The following TBC1D30 variants were observed in gnomAD, a reference collection of about 807,000 sequenced individuals.
TBC1D30 encodes the protein TBC1 domain family, member 30.
Under a neutral mutation model 63.2 loss-of-function variants are expected in TBC1D30, and 31 were observed. That is an observed-to-expected ratio of 0.49 (90% CI 0.37 to 0.66). TBC1D30 has a LOEUF of 0.66. TBC1D30 is among the 30% of genes least tolerant of loss of function. The pLI, the probability that TBC1D30 is intolerant of heterozygous loss-of-function variation, is 0.00. For missense variants in TBC1D30, 810 were observed against 953.6 expected (o/e 0.85, Z 1.98); for synonymous variants, 307 against 361.5 (o/e 0.85, Z 1.71).
chr12:64,763,959 G>A (rs978731864), intron 1 of TBC1D30, among the ~76,000 whole-genome samples: 3 of 152,276 alleles, frequency 2.0e-5, no homozygotes, highest in Middle Eastern at 3.4e-3. Context: ...AGAGCATGCA[G>A]CCCTTTTTCC....
chr12:64,762,396 A>G (rs2136265891), intron 1 of TBC1D30, among the ~76,000 whole-genome samples: 1 of 152,336 alleles, frequency 6.6e-6, no homozygotes, highest in East Asian at 1.9e-4. Flanking sequence ...GGCATGAAGA[A>G]CAGATTGGAA....
chr12:64,797,077 T>A (rs1380574796), intron 2 of TBC1D30, among the ~76,000 whole-genome samples: 5 of 151,174 alleles, frequency 3.3e-5, no homozygotes, highest in Non-Finnish European at 7.4e-5. Flanking sequence ...TTCTTAAGCT[T>A]TGCTGCATAT....
At chr12:64,866,688 C>A in intron 9 of TBC1D30, 76 bp from the exon 10 acceptor site, 1 of 1,359,116 alleles carries the variant, frequency 7.4e-7, no homozygotes, top group Non-Finnish European at 9.9e-7. Flanking sequence ...GGCATTTAAA[C>A]CATGTAACTG....
At chr12:64,805,963 C>T (rs1872844098) in intron 2 of TBC1D30, among the ~76,000 whole-genome samples, 1 of 152,170 alleles carries the variant, frequency 6.6e-6, no homozygotes, top group Non-Finnish European at 1.5e-5. Context: ...ATTCTCTCTG[C>T]CATCCCAGTC....
At chr12:64,839,553 A>C (rs999985149) in intron 7 of TBC1D30, among the ~76,000 whole-genome samples, 2 of 152,216 alleles carry the variant, frequency 1.3e-5, no homozygotes, top group Admixed American at 6.5e-5. Context: ...TCTCTTCTGG[A>C]GCTATAAATG....
chr12:64,774,402 G>A (rs2136281209), intron 1 of TBC1D30, among the ~76,000 whole-genome samples: 1 of 152,248 alleles, frequency 6.6e-6, no homozygotes, highest in Non-Finnish European at 1.5e-5. Context: ...CCCCAACCTA[G>A]CTAGACAGGC....
intron 2 of TBC1D30, among the ~76,000 whole-genome samples, chr12:64,798,646 G>A (rs1872417333): frequency 6.6e-6 from 1 of 152,048 alleles, no homozygotes; most frequent in African/African-American, 2.4e-5. Context: ...ATGCAACAGA[G>A]TTATTCTGGG....
intron 2 of TBC1D30, among the ~76,000 whole-genome samples, chr12:64,800,278 G>A (rs1872528441): frequency 6.6e-6 from 1 of 152,190 alleles, no homozygotes; most frequent in Admixed American, 6.5e-5. Context: ...AGGCTGGAGG[G>A]AAGTGGCAGA....
At chr12:64,775,796 G>A (rs1193372007), upstream of TBC1D30, among the ~76,000 whole-genome samples, 1 of 152,210 alleles carries the variant, frequency 6.6e-6, no homozygotes, top group Non-Finnish European at 1.5e-5. Flanking sequence ...GATATCTACA[G>A]AACTCTCCAC....
At chr12:64,829,409 G>A (rs1031559637) in intron 3 of TBC1D30, among the ~76,000 whole-genome samples, 2 of 152,130 alleles carry the variant, frequency 1.3e-5, no homozygotes, top group Non-Finnish European at 2.9e-5. Context: ...GTATAAAAGG[G>A]ATGTCAAAGA....
chr12:64,824,207 GAAAC>G (rs141060415), upstream of TBC1D30, among the ~76,000 whole-genome samples: 1,323 of 152,066 alleles, frequency 8.7e-3, 10 homozygotes, highest in African/African-American at 0.03. Flanking sequence ...TTTTCTAAAA[GAAAC>G]AATAATTTTT....
intron 1 of TBC1D30, among the ~76,000 whole-genome samples, chr12:64,773,073 G>A (rs140402748): frequency 5.4e-4 from 82 of 152,334 alleles, no homozygotes; most frequent in African/African-American, 1.9e-3. Context: ...TCTAAGGTTT[G>A]ATGGCTTTAA....
chr12:64,861,724 C>T (rs181003815), intron 8 of TBC1D30, among the ~76,000 whole-genome samples: 14 of 152,100 alleles, frequency 9.2e-5, no homozygotes, highest in Non-Finnish European at 1.3e-4. Flanking sequence ...CTTGTAAATT[C>T]CTTGAGGGCA....
At chr12:64,834,502 G>A (rs893331755) in intron 5 of TBC1D30, among the ~76,000 whole-genome samples, 3 of 150,710 alleles carry the variant, frequency 2.0e-5, no homozygotes, top group African/African-American at 7.3e-5. Context: ...CACCTTCCAG[G>A]TTCAAGCAAT....
At chr12:64,780,053 T>G (rs1215300033), upstream of TBC1D30, among the ~76,000 whole-genome samples, 1 of 152,242 alleles carries the variant, frequency 6.6e-6, no homozygotes, top group Non-Finnish European at 1.5e-5. Context: ...TCAATTAATG[T>G]ATCAGTTCGG....
intron 2 of TBC1D30, among the ~76,000 whole-genome samples, chr12:64,791,727 T>C (rs1871937842): frequency 6.6e-6 from 1 of 151,784 alleles, no homozygotes; most frequent in South Asian, 2.1e-4. Flanking sequence ...TATATGTTTT[T>C]TTTAATATTT....
upstream of TBC1D30, among the ~76,000 whole-genome samples, chr12:64,822,236 C>T (rs577600801): frequency 1.6e-4 from 25 of 152,244 alleles, no homozygotes; most frequent in African/African-American, 5.8e-4. Flanking sequence ...GGCTGGAGTG[C>T]AGTGGCCAAT....
chr12:64,854,501 T>TC (rs200340742), intron 8 of TBC1D30, among the ~76,000 whole-genome samples: 1 of 149,922 alleles, frequency 6.7e-6, no homozygotes, highest in African/African-American at 2.5e-5. Flanking sequence ...TTTCTTTCTT[T>TC]TTTTTTTTTT....
chr12:64,820,164 CA>C (rs959513580), upstream of TBC1D30, among the ~76,000 whole-genome samples: 2 of 151,744 alleles, frequency 1.3e-5, no homozygotes, highest in South Asian at 2.1e-4. Context: ...TACTGTTAAA[CA>C]AAAAAAATAG....
Sources: gnomAD v4.1 joint callset for allele counts (sites outside exome capture counted in the v4.1 genomes callset) on GRCh38, gnomAD v4.1.1 for gene constraint, MANE v1.5 for transcripts, NCBI Gene and HGNC (gene_info 2026-07-23, HGNC 2026-07-21) for gene names.